The following ABCA13 variants were observed in gnomAD, a reference collection of about 807,000 sequenced individuals.
ABCA13 encodes the protein ATP-binding cassette sub-family A member 13.
ABCA13 carries 476 observed loss-of-function variants against 478.7 expected under a neutral mutation model. The observed-to-expected ratio is 0.99, with a 90% CI of 0.92 to 1.07. ABCA13 has a LOEUF of 1.07. Among genes scored for constraint, ABCA13 ranks in the 50% least tolerant of loss-of-function variants. The pLI, the probability that ABCA13 is intolerant of heterozygous loss-of-function variation, is 0.00. For missense variants in ABCA13, 6,060 were observed against 5,910.6 expected (o/e 1.03, Z -0.83); for synonymous variants, 2,252 against 2,158.9 (o/e 1.04, Z -1.20).
chr7:48,293,200 CCCG>C (rs1562984113), intron 20 of ABCA13, among the ~76,000 whole-genome samples: 6 of 136,598 alleles, frequency 4.4e-5, no homozygotes, highest in South Asian at 2.8e-4. Context: ...CAGCCCCCCC[CCCG>C]CCACACACAC....
chr7:48,450,979 TTTTTTC>T (rs1425452662), intron 42 of ABCA13, among the ~76,000 whole-genome samples: 29 of 150,750 alleles, frequency 1.9e-4, no homozygotes, highest in African/African-American at 6.3e-4. Context: ...ATTCTTTTTT[TTTTTTC>T]TTTTCTTTTT....
At chr7:48,268,719 T>G (rs1795197001) in intron 15 of ABCA13, among the ~76,000 whole-genome samples, 1 of 151,958 alleles carries the variant, frequency 6.6e-6, no homozygotes, top group African/African-American at 2.4e-5. Flanking sequence ...AGCAGCAAGC[T>G]GGGATAATCA....
chr7:48,439,735 A>G (rs1313662537), intron 42 of ABCA13, among the ~76,000 whole-genome samples: 3 of 152,182 alleles, frequency 2.0e-5, no homozygotes, highest in East Asian at 3.9e-4. Flanking sequence ...TGTCAGAAGT[A>G]AACTGGAAGT....
chr7:48,367,770 GCTGACTGAATTATCCC>G lies in ABCA13; in HGVS notation c.10689-21_10689-6del, dbSNP rs771200791. 50 of 1,524,078 alleles carry G rather than the reference GCTGACTGAATTATCCC, an allele frequency of 3.3e-5. No individual in the cohort carries two copies. The highest frequency in any genetic ancestry group is 4.4e-5 in the Non-Finnish European group (49 of 1,120,970). The allele number at this position is 1,524,078 out of a possible 1,614,324, so 94.4% of individuals were successfully genotyped here. ...AGAGTCATTTTGCTTGTCTCCGGAT[GCTGACTGAATTATCCC>G]CTTACAGATTCCTGAACAACGTTGG... On this transcript the variant is annotated splice_region_variant and splice_polypyrimidine_tract_variant and intron_variant, in intron 31 of 61. Transcript: ENST00000435803.
chr7:48,376,351 T>A, intron 34 of ABCA13, 90 bp from the exon 35 acceptor site: 1 of 1,492,196 alleles, frequency 6.7e-7, no homozygotes, highest in Non-Finnish European at 9.0e-7. Context: ...CAACTTCACT[T>A]GAGCTTCCAG....
intron 27 of ABCA13, among the ~76,000 whole-genome samples, chr7:48,320,235 A>G (rs948808748): frequency 6.6e-6 from 1 of 152,230 alleles, no homozygotes; most frequent in African/African-American, 2.4e-5. Context: ...AGAAGCTTGT[A>G]TGAAGTGTTT....
At chr7:48,380,700 C>G (rs1814214403) in intron 35 of ABCA13, among the ~76,000 whole-genome samples, 1 of 152,132 alleles carries the variant, frequency 6.6e-6, no homozygotes, top group Non-Finnish European at 1.5e-5. Context: ...ATTAATCATA[C>G]TTTTTTATTT....
At chr7:48,342,246 C>T (rs1384725970) in intron 29 of ABCA13, among the ~76,000 whole-genome samples, 1 of 152,134 alleles carries the variant, frequency 6.6e-6, no homozygotes, top group East Asian at 1.9e-4. Context: ...TCAATCCTTG[C>T]ACACAGGGTC....
intron 42 of ABCA13, among the ~76,000 whole-genome samples, chr7:48,430,466 G>C (rs1432331590): frequency 2.0e-5 from 3 of 152,076 alleles, no homozygotes; most frequent in Non-Finnish European, 4.4e-5. Flanking sequence ...ATGAGGTCAG[G>C]AGATCAAGAC....
intron 23 of ABCA13, among the ~76,000 whole-genome samples, chr7:48,306,705 A>T (rs2128871604): frequency 6.6e-6 from 1 of 152,330 alleles, no homozygotes; most frequent in African/African-American, 2.4e-5. Context: ...GAAAATACTT[A>T]ATATCCTTTC....
chr7:48,208,225 T>C (rs766971246), intron 3 of ABCA13, among the ~76,000 whole-genome samples: 10 of 152,178 alleles, frequency 6.6e-5, no homozygotes, highest in Admixed American at 2.6e-4. Flanking sequence ...TCAGGTAATG[T>C]GATGCCATCA....
chr7:48,219,672 G>T (rs1355108345), intron 4 of ABCA13, among the ~76,000 whole-genome samples, 167 bp downstream of exon 4: 9 of 152,052 alleles, frequency 5.9e-5, no homozygotes, highest in Non-Finnish European at 1.3e-4. Flanking sequence ...GGTTGTGGAG[G>T]GTGGAGCTGG....
intron 58 of ABCA13, among the ~76,000 whole-genome samples, chr7:48,611,519 G>A (rs1013671088): frequency 6.6e-6 from 1 of 152,170 alleles, no homozygotes; most frequent in South Asian, 2.1e-4. Context: ...TGGCTAGGGA[G>A]GTTTCAGGAA....
At chr7:48,321,008 G>A (rs1164369093) in intron 27 of ABCA13, among the ~76,000 whole-genome samples, 2 of 152,302 alleles carry the variant, frequency 1.3e-5, no homozygotes, top group African/African-American at 4.8e-5. Context: ...TCCCAGAAAT[G>A]CATTCTGCCA....
At chr7:48,356,480 C>T (rs562584485) in intron 31 of ABCA13, among the ~76,000 whole-genome samples, 6 of 151,294 alleles carry the variant, frequency 4.0e-5, no homozygotes, top group Middle Eastern at 3.4e-3. Flanking sequence ...ACAGCTGTGT[C>T]CTGAATTAGT....
chr7:48,234,030 A>C lies in ABCA13; in HGVS notation c.776A>C (p.His259Pro), dbSNP rs1345619269. The C allele has an allele frequency of 6.2e-7, 1 of 1,613,974 alleles. No individual in the cohort carries two copies. The highest frequency in any genetic ancestry group is 1.7e-5 in the Admixed American group (1 of 60,018). The change falls in exon 8 of 62, where the codon CAC becomes CCC. Residue 259 changes from histidine (H) to proline (P), a missense_variant. Transcript: ENST00000435803. ...GTTATTCCAACAGAGCCAGTTTACC[A>C]CCTGTCCATGCAGAATATAGTGTGG... The part of the protein sequence containing the change: ...HGVAVTEPVY[H>P]LSMQNIVWDP...
chr7:48,353,454 C>T (rs959725803), intron 31 of ABCA13, among the ~76,000 whole-genome samples: 7 of 151,406 alleles, frequency 4.6e-5, no homozygotes, highest in East Asian at 3.9e-4. Flanking sequence ...CTGAAGGGAC[C>T]GGTTTGCGTG....
At chr7:48,424,774 G>A (rs1250789903) in intron 41 of ABCA13, among the ~76,000 whole-genome samples, 1 of 152,174 alleles carries the variant, frequency 6.6e-6, no homozygotes, top group Non-Finnish European at 1.5e-5. Flanking sequence ...TTCAGTGTGA[G>A]AATTATAATG....
At chr7:48,580,494 C>G (rs1788606933) in intron 56 of ABCA13, 120 bp downstream of exon 56, 2 of 875,584 alleles carry the variant, frequency 2.3e-6, no homozygotes, top group Admixed American at 2.9e-5. Context: ...ATCAGATAAA[C>G]TTACCTGCAA....
Sources: gnomAD v4.1 joint callset for allele counts (sites outside exome capture counted in the v4.1 genomes callset) on GRCh38, gnomAD v4.1.1 for gene constraint, MANE v1.5 for transcripts, NCBI Gene and HGNC (gene_info 2026-07-23, HGNC 2026-07-21) for gene names.